The following PTPRJ variants were observed in gnomAD, a reference collection of about 807,000 sequenced individuals.
PTPRJ encodes the protein protein tyrosine phosphatase receptor type J, also known as receptor-type tyrosine-protein phosphatase eta.
PTPRJ carries 129 observed loss-of-function variants against 141.3 expected under a neutral mutation model. The ratio of observed to expected loss-of-function variants is 0.91; its 90% CI spans 0.79 to 1.06. The LOEUF is 1.06. Ranked by LOEUF, PTPRJ falls within the 50% of genes least tolerant of loss-of-function variation. The pLI is 0.00. For synonymous variants in PTPRJ, 610 were observed against 640.5 expected, an observed-to-expected ratio of 0.95 and a Z score of 0.72; for missense variants, 1,601 against 1,679.7, an observed-to-expected ratio of 0.95 and a Z score of 0.82.
rs187596896 is a variant in PTPRJ at position 48,154,662 on chromosome 11, C to T, written c.3229+776C>T. 1.1e-4 allele frequency among the ~76,000 whole-genome samples: 16 copies of T among 152,250 alleles called. No homozygotes were observed. The East Asian group carries it at 2.7e-3, about 26-fold the overall frequency. ...GGACGTCATCATCTTTATTCGAAGC[C>T]GTGTTTTTCATTCCTGGACTAAAAC... On this transcript the variant is annotated intron_variant, in intron 19 of 24. Coordinates refer to ENST00000418331, the MANE Select transcript of PTPRJ (RefSeq NM_002843.4).
At chr11:47,990,125 G>T (rs1235653058) in intron 1 of PTPRJ, among the ~76,000 whole-genome samples, 7 of 152,116 alleles carry the variant, frequency 4.6e-5, no homozygotes, top group Non-Finnish European at 8.8e-5. Context: ...CAGCCTGGGC[G>T]ACAGACTGAG....
intron 1 of PTPRJ, among the ~76,000 whole-genome samples, chr11:48,006,306 G>A (rs1854621084): frequency 6.6e-6 from 1 of 152,068 alleles, no homozygotes; most frequent in Non-Finnish European, 1.5e-5. Context: ...GAGAGAGAGG[G>A]AGAGGATGGA....
At chr11:48,134,032 A>T (rs1417386571) in intron 8 of PTPRJ, among the ~76,000 whole-genome samples, 2 of 152,210 alleles carry the variant, frequency 1.3e-5, no homozygotes, top group Non-Finnish European at 1.5e-5. Context: ...GGTAGTGGTG[A>T]TAGTTACACA....
intron 1 of PTPRJ, among the ~76,000 whole-genome samples, chr11:47,985,888 A>G (rs1219194958): frequency 6.6e-6 from 1 of 151,978 alleles, no homozygotes. Context: ...TTTAGTAGAG[A>G]TGAGGTTTCG....
At chr11:48,110,210 C>A in intron 2 of PTPRJ, 134 bp downstream of exon 2, 1 of 1,097,948 alleles carries the variant, frequency 9.1e-7, no homozygotes, top group Non-Finnish European at 1.3e-6. Flanking sequence ...TTTTCTTTTT[C>A]TTTTCTTTTT....
At chr11:48,118,327 CCCA>C (rs1194817218) in intron 3 of PTPRJ, among the ~76,000 whole-genome samples, 4 of 152,168 alleles carry the variant, frequency 2.6e-5, no homozygotes, top group African/African-American at 9.7e-5. Flanking sequence ...TCAAGTGACC[CCCA>C]CCACCTTGGC....
intron 1 of PTPRJ, among the ~76,000 whole-genome samples, chr11:48,090,089 C>T (rs1409004867): frequency 2.0e-5 from 3 of 152,160 alleles, no homozygotes; most frequent in Non-Finnish European, 4.4e-5. Flanking sequence ...GTTCAGTCCC[C>T]TCCCTCCCCC....
intron 1 of PTPRJ, among the ~76,000 whole-genome samples, chr11:48,023,363 A>G (rs1455948272): frequency 6.6e-6 from 1 of 152,140 alleles, no homozygotes; most frequent in African/African-American, 2.4e-5. Context: ...ACGCCCCTTC[A>G]TTCATTTGTA....
chr11:48,170,790 A>T lies in PTPRJ; in HGVS notation c.*3428A>T. 2 of 151,294 alleles carry T rather than the reference A, an allele frequency of 1.3e-5. No individual in the cohort carries two copies. 9.4% of individuals were successfully genotyped at this position (151,294 alleles called of 1,614,324 possible). A position where few individuals can be genotyped will look rare whatever the true frequency, so the allele number is the denominator to read the frequency against. On this transcript the variant is annotated 3_prime_UTR_variant, in exon 25 of 25. Coordinates refer to ENST00000418331, the MANE Select transcript of PTPRJ (RefSeq NM_002843.4). ...TTTTTAAGGAAAAAATGGCCTGAAA[A>T]CATTTTTTTAAAGACTTACAAATAC...
chr11:48,005,437 AGAAT>A (rs1460188277), intron 1 of PTPRJ, among the ~76,000 whole-genome samples: 3 of 152,198 alleles, frequency 2.0e-5, no homozygotes, highest in Admixed American at 1.3e-4. Flanking sequence ...TCATGTGAGT[AGAAT>A]CATACACTGT....
Position 48,145,021 on chromosome 11 carries a change from C to A in PTPRJ, c.2808C>A (p.Thr936=). Residue 936 remains threonine, a synonymous_variant, in exon 14 of 25, where the codon ACC becomes ACA. Transcript: ENST00000418331. ...GSYRACVAGF[T]NITFHPQNKG... is the part of the protein sequence containing the mutation. ...ACAGGGCTTGTGTGGCTGGCTTCAC[C>A]AACATTACCTTCCACCCTCAAAACA... 6.2e-7 allele frequency: 1 copy of A among 1,614,132 alleles called. No individual in the cohort carries two copies. Among genetic ancestry groups the A allele is most frequent in the Non-Finnish European group, 8.5e-7 (1 of 1,180,020 alleles).
chr11:48,135,941 T>G (rs926974302), intron 8 of PTPRJ, 98 bp from the exon 9 acceptor site: 2 of 1,398,590 alleles, frequency 1.4e-6, no homozygotes, highest in African/African-American at 1.4e-5. Flanking sequence ...TTAGAAAGCG[T>G]AATGGCAAAA....
intron 1 of PTPRJ, among the ~76,000 whole-genome samples, chr11:48,074,504 G>T (rs1444196227): frequency 6.6e-6 from 1 of 152,194 alleles, no homozygotes; most frequent in Non-Finnish European, 1.5e-5. Context: ...TTAGGGAGTG[G>T]CAAAGACTCT....
At chr11:48,137,719 G>A (rs1203853698) in intron 10 of PTPRJ, among the ~76,000 whole-genome samples, 3 of 152,180 alleles carry the variant, frequency 2.0e-5, no homozygotes, top group Non-Finnish European at 2.9e-5. Flanking sequence ...AGGAAGAGCA[G>A]GAGGCAAGGG....
intron 1 of PTPRJ, among the ~76,000 whole-genome samples, chr11:47,992,880 G>A (rs1170440592): frequency 6.6e-6 from 1 of 152,090 alleles, no homozygotes; most frequent in East Asian, 1.9e-4. Flanking sequence ...ATACTAAATT[G>A]CATATAAAAT....
chr11:48,145,341 A>C (rs1456184179), intron 14 of PTPRJ, among the ~76,000 whole-genome samples: 1 of 152,068 alleles, frequency 6.6e-6, no homozygotes, highest in Non-Finnish European at 1.5e-5. Flanking sequence ...CCCTTCTCTA[A>C]GTGCCAGTTG....
chr11:47,993,035 A>G (rs1018563161), intron 1 of PTPRJ, among the ~76,000 whole-genome samples: 18 of 152,140 alleles, frequency 1.2e-4, no homozygotes, highest in Admixed American at 3.9e-4. Flanking sequence ...AAAGTCCCCA[A>G]TTATGCATTG....
intron 1 of PTPRJ, among the ~76,000 whole-genome samples, chr11:48,006,623 C>T (rs1854631015): frequency 6.6e-6 from 1 of 152,164 alleles, no homozygotes; most frequent in Non-Finnish European, 1.5e-5. Flanking sequence ...CCCCTTCCAT[C>T]CCCTGGCACA....
intron 1 of PTPRJ, among the ~76,000 whole-genome samples, chr11:48,051,084 CTTTTTTTTTTTTTTTTTTT>C (rs59987198): frequency 1.3e-5 from 1 of 79,310 alleles, no homozygotes; most frequent in Non-Finnish European, 2.3e-5. Flanking sequence ...TAACTGATGA[CTTTTTTTTTTTTTTTTTTT>C]TTTTTTTTTT....
Sources: allele counts gnomAD v4.1 joint callset (sites outside exome capture counted in the v4.1 genomes callset), GRCh38; gene constraint gnomAD v4.1.1; transcripts MANE v1.5; gene names NCBI Gene and HGNC (gene_info 2026-07-23, HGNC 2026-07-21).